Variants in WWTR1 observed in about 807,000 individuals in gnomAD.
WWTR1 encodes WW domain containing transcription regulator 1, also known as WW domain-containing transcription regulator protein 1.
Under a neutral mutation model 40.1 loss-of-function variants are expected in WWTR1, and 13 were observed. The observed-to-expected ratio is 0.32, with a 90% confidence interval of 0.21 to 0.52. The LOEUF (loss-of-function observed/expected upper bound fraction) is 0.52, where lower values mean the gene tolerates loss of function less well. Ranked by LOEUF, WWTR1 falls within the 20% of genes least tolerant of loss-of-function variation. The pLI is 0.97. For synonymous variants in WWTR1, 230 were observed against 210.1 expected, an observed-to-expected ratio of 1.09 and a Z score of -0.82; for missense variants, 436 against 523.1, an observed-to-expected ratio of 0.83 and a Z score of 1.63.
At chr3:149,595,175 C>T (rs113155673) in intron 2 of WWTR1, among the ~76,000 whole-genome samples, 8,139 of 151,520 alleles carry the variant, frequency 0.054, 582 homozygotes, top group African/African-American at 0.17. Flanking sequence ...CTGCCCAGGA[C>T]GGTCTCAATC....
chr3:149,575,479 TTC>T (rs1476492058), intron 2 of WWTR1, among the ~76,000 whole-genome samples: 1 of 152,210 alleles, frequency 6.6e-6, no homozygotes, highest in Non-Finnish European at 1.5e-5. Context: ...AAAAGAATCC[TTC>T]TCTCTTTCAT....
At chr3:149,659,827 A>T (rs945600491), upstream of WWTR1, 3 of 152,066 alleles carry the variant, frequency 2.0e-5, no homozygotes, top group African/African-American at 7.2e-5. Context: ...TTCCCCTGTT[A>T]TCTGTACTTG....
chr3:149,721,106 C>A (rs961764978), intron 4 of WWTR1, among the ~76,000 whole-genome samples: 2 of 152,066 alleles, frequency 1.3e-5, no homozygotes, highest in Admixed American at 1.3e-4. Context: ...CCTTTCATTT[C>A]TTTTTCTTGT....
At chr3:149,706,480 G>A (rs182865558), upstream of WWTR1, among the ~76,000 whole-genome samples, 649 of 151,832 alleles carry the variant, frequency 4.3e-3, 5 homozygotes, top group African/African-American at 0.015. Context: ...CACCACGCCC[G>A]GCTAATTTTG....
At chr3:149,560,490 T>C (rs772064465) in intron 3 of WWTR1, among the ~76,000 whole-genome samples, 3 of 152,196 alleles carry the variant, frequency 2.0e-5, no homozygotes, top group African/African-American at 4.8e-5. Flanking sequence ...CCAATTCCAT[T>C]TGGAGAGAAA....
chr3:149,546,125 A>G (rs1486984444), intron 3 of WWTR1, among the ~76,000 whole-genome samples: 1 of 152,142 alleles, frequency 6.6e-6, no homozygotes, highest in African/African-American at 2.4e-5. Context: ...ACTTGCCCCT[A>G]CTTGAGACAT....
chr3:149,597,306 G>A, intron 2 of WWTR1, among the ~76,000 whole-genome samples: 1 of 151,490 alleles, frequency 6.6e-6, no homozygotes, highest in South Asian at 2.1e-4. Flanking sequence ...CCACTATAAA[G>A]AACAGAGAGA....
intron 1 of WWTR1, among the ~76,000 whole-genome samples, chr3:149,694,602 G>A (rs1248208025): frequency 6.6e-6 from 1 of 152,180 alleles, no homozygotes; most frequent in Non-Finnish European, 1.5e-5. Context: ...TCAGAGAAAT[G>A]CAAACCAAAA....
chr3:149,563,755 G>A (rs1399010529), intron 3 of WWTR1, among the ~76,000 whole-genome samples: 1 of 151,956 alleles, frequency 6.6e-6, no homozygotes, highest in African/African-American at 2.4e-5. Context: ...GTTTTGTTTT[G>A]TTTTGCTTTG....
chr3:149,603,437 G>T (rs1345065281), intron 2 of WWTR1, among the ~76,000 whole-genome samples: 1 of 152,074 alleles, frequency 6.6e-6, no homozygotes, highest in Non-Finnish European at 1.5e-5. Context: ...TCAAATACAA[G>T]GGGAATTACA....
rs1040218807 is a variant in WWTR1, at chr3:149,575,583, T to C, written c.432-2583A>G. Among the ~76,000 whole-genome samples the C allele has an allele frequency of 6.6e-5, 10 of 152,124 alleles. 1 individual carries two copies. Among genetic ancestry groups the C allele is most frequent in the Admixed American group, 6.5e-4 (10 of 15,276 alleles). Reference sequence around the variant, plus strand: ...CCCCGGTGAGATGTGGAAATATACATCATTTGCTGGAAGATGTTCAAGGAC... The same window carrying C: ...CCCCGGTGAGATGTGGAAATATACACCATTTGCTGGAAGATGTTCAAGGAC... On this transcript the variant is annotated intron_variant, in intron 2 of 6. Transcript: ENST00000360632.
intron 4 of WWTR1, chr3:149,540,262 C>T (rs1424137679): frequency 4.4e-6 from 2 of 456,544 alleles, no homozygotes; most frequent in Admixed American, 4.7e-5. Flanking sequence ...CAAGGATCAG[C>T]ATTTAAGGAA....
chr3:149,620,563 CT>C (rs199771483), intron 2 of WWTR1, among the ~76,000 whole-genome samples: 4,745 of 11,398 alleles, frequency 0.42, 156 homozygotes, highest in East Asian at 0.5. Context: ...TCCTCCACCG[CT>C]CCCCCCCACA....
At chr3:149,551,973 T>G (rs954132115) in intron 3 of WWTR1, among the ~76,000 whole-genome samples, 1 of 146,038 alleles carries the variant, frequency 6.8e-6, no homozygotes, top group Non-Finnish European at 1.5e-5. Flanking sequence ...TTGTCTGTAA[T>G]TTTTGAAGGA....
At chr3:149,695,202 T>C (rs1432000012) in intron 1 of WWTR1, among the ~76,000 whole-genome samples, 1 of 152,064 alleles carries the variant, frequency 6.6e-6, no homozygotes, top group African/African-American at 2.4e-5. Context: ...GGTTAATACA[T>C]ACAAAAATAT....
chr3:149,565,376 G>T (rs1435153383), intron 3 of WWTR1, among the ~76,000 whole-genome samples: 2 of 150,824 alleles, frequency 1.3e-5, no homozygotes, highest in Non-Finnish European at 2.9e-5. Flanking sequence ...TATCAAAGAA[G>T]AAATTTTCTA....
intron 3 of WWTR1, among the ~76,000 whole-genome samples, chr3:149,566,154 C>T (rs964358626): frequency 4.1e-4 from 62 of 152,138 alleles, no homozygotes; most frequent in African/African-American, 1.3e-3. Flanking sequence ...CATGGTGAGA[C>T]GCCCCAATCT....
At chr3:149,724,499 TA>T (rs11382942) in intron 3 of WWTR1, among the ~76,000 whole-genome samples, 51,597 of 146,304 alleles carry the variant, frequency 0.35, 9,220 homozygotes, top group Middle Eastern at 0.52. Context: ...CCAGACTCCT[TA>T]AAAAAAAAAA....
intron 2 of WWTR1, among the ~76,000 whole-genome samples, chr3:149,628,140 G>T (rs1354856334): frequency 6.6e-6 from 1 of 151,592 alleles, no homozygotes; most frequent in African/African-American, 2.4e-5. Flanking sequence ...GGAGGTCGAG[G>T]TGGGCATACC....
Sources: gnomAD v4.1 joint callset for allele counts (sites outside exome capture counted in the v4.1 genomes callset) on GRCh38, gnomAD v4.1.1 for gene constraint, MANE v1.5 for transcripts, NCBI Gene and HGNC (gene_info 2026-07-23, HGNC 2026-07-21) for gene names.